The following PRRG1 variants were observed in gnomAD, a reference collection of about 807,000 sequenced individuals.
The protein encoded by PRRG1 is transmembrane gamma-carboxyglutamic acid protein 1.
In PRRG1, 5 loss-of-function variants were observed where a neutral mutation model predicts 11.8. That is an observed-to-expected ratio of 0.42 (90% confidence interval 0.22 to 0.89). The LOEUF is 0.89. Ranked by LOEUF, PRRG1 falls within the 40% of genes least tolerant of loss-of-function variation. The pLI, the probability that PRRG1 is intolerant of heterozygous loss-of-function variation, is 0.28. For missense variants in PRRG1, 155 were observed against 166.1 expected (o/e 0.93, Z 0.37); for synonymous variants, 66 against 60.4 (o/e 1.09, Z -0.43).
At chrX:37,452,295 C>G (rs1455156595) in intron 3 of PRRG1, among the ~76,000 whole-genome samples, 1 of 111,795 alleles carries the variant, frequency 8.9e-6, no homozygotes, top group South Asian at 3.8e-4. Flanking sequence ...TAAATGTTAT[C>G]TCACTTAATG....
At chrX:37,438,111 G>A (rs181105272) in intron 3 of PRRG1, among the ~76,000 whole-genome samples, 1 of 110,307 alleles carries the variant, frequency 9.1e-6, no homozygotes, top group Non-Finnish European at 1.9e-5. Flanking sequence ...ACTCGAGAGG[G>A]GGAAGCAGGA....
At chrX:37,418,793 C>G (rs1932574734) in intron 2 of PRRG1, among the ~76,000 whole-genome samples, 1 of 111,506 alleles carries the variant, frequency 9.0e-6, no homozygotes, top group Admixed American at 9.5e-5. Flanking sequence ...CCCTTGCCTT[C>G]AGATTAATTA....
chrX:37,349,957 A>G (rs1214184831), intron 1 of PRRG1, among the ~76,000 whole-genome samples: 1 of 107,841 alleles, frequency 9.3e-6, no homozygotes, highest in Non-Finnish European at 1.9e-5. Context: ...GGACATTTTA[A>G]CAAAGGCTAT....
At chrX:37,373,489 A>G (rs1246908952) in intron 1 of PRRG1, among the ~76,000 whole-genome samples, 1 of 111,828 alleles carries the variant, frequency 8.9e-6, no homozygotes, top group African/African-American at 3.2e-5. Flanking sequence ...TACAGTTTTC[A>G]GTGTACACAA....
At position 37,453,428 on chromosome X, in the gene PRRG1, G is replaced by T. The variant is rs1556397286; in HGVS notation, c.464G>T (p.Arg155Leu). ...GGCTTTCTGGGATATGTAGTTGGGC[G>T]CTCAGATTCCGTCTCTACTCGCCTG... ...SPGFLGYVVG[R>L]SDSVSTRLSN... Residue 155 changes from arginine (R) to leucine (L), a missense_variant, in exon 4 of 4, where the codon CGC becomes CTC. Transcript: ENST00000378628. 3 of 1,208,934 alleles carry T rather than the reference G, an allele frequency of 2.5e-6. No homozygotes were observed. Among genetic ancestry groups the T allele is most frequent in the African/African-American group, 1.8e-5 (1 of 57,131 alleles).
At chrX:37,397,387 T>A (rs1931754338) in intron 1 of PRRG1, among the ~76,000 whole-genome samples, 1 of 112,196 alleles carries the variant, frequency 8.9e-6, no homozygotes, top group Admixed American at 9.5e-5. Context: ...AAGGGAAACT[T>A]AAGCACAAAT....
intron 3 of PRRG1, among the ~76,000 whole-genome samples, chrX:37,431,717 G>A (rs893484861): frequency 1.8e-5 from 2 of 111,462 alleles, no homozygotes; most frequent in Admixed American, 9.5e-5. Context: ...TACTACTCTC[G>A]TATTGATTAA....
intron 2 of PRRG1, among the ~76,000 whole-genome samples, chrX:37,410,344 A>G (rs1170770751): frequency 8.9e-6 from 1 of 112,144 alleles, no homozygotes; most frequent in African/African-American, 3.2e-5. Context: ...TCCACAGACT[A>G]CTAATGGAGA....
chrX:37,449,664 C>A (rs1277133344), intron 3 of PRRG1, among the ~76,000 whole-genome samples: 1 of 111,925 alleles, frequency 8.9e-6, no homozygotes, highest in African/African-American at 3.2e-5. Flanking sequence ...AGGCTAAAAC[C>A]ATAGAGTTCC....
chrX:37,432,964 A>G (rs923076800), intron 3 of PRRG1, among the ~76,000 whole-genome samples: 1 of 111,429 alleles, frequency 9.0e-6, no homozygotes, highest in South Asian at 3.8e-4. Context: ...GCTTTTTGCC[A>G]TCTCTGACTC....
At chrX:37,375,530 C>T (rs782317774) in intron 1 of PRRG1, among the ~76,000 whole-genome samples, 7 of 111,320 alleles carry the variant, frequency 6.3e-5, no homozygotes, top group African/African-American at 2.0e-4. Context: ...ATTTACCTAG[C>T]GTTTATATTG....
intron 1 of PRRG1, among the ~76,000 whole-genome samples, chrX:37,381,301 CT>C (rs781939048): frequency 8.9e-6 from 1 of 111,825 alleles, no homozygotes; most frequent in East Asian, 2.8e-4. Flanking sequence ...TACATTGCTT[CT>C]ATGCTATCTT....
chrX:37,394,606 C>T (rs1187430704), intron 1 of PRRG1, among the ~76,000 whole-genome samples: 1 of 111,664 alleles, frequency 9.0e-6, no homozygotes. Flanking sequence ...AAAATGTAGC[C>T]TGCAGTGTTT....
intron 2 of PRRG1, among the ~76,000 whole-genome samples, chrX:37,415,717 A>T (rs188301500): frequency 8.9e-6 from 1 of 112,178 alleles, no homozygotes; most frequent in Non-Finnish European, 1.9e-5. Context: ...ACGGACATTT[A>T]TCAACAAGAT....
chrX:37,450,233 C>T (rs1010957323), intron 3 of PRRG1, among the ~76,000 whole-genome samples: 2 of 112,052 alleles, frequency 1.8e-5, no homozygotes, highest in Non-Finnish European at 3.8e-5. Context: ...GAAATCCCAG[C>T]TCCGATGTTC....
At chrX:37,401,444 C>T (rs1363433608) in intron 1 of PRRG1, among the ~76,000 whole-genome samples, 111 of 111,248 alleles carry the variant, frequency 1.0e-3, no homozygotes, top group African/African-American at 3.5e-3. Context: ...ACCCTTCATG[C>T]TAAAAACTCT....
intron 1 of PRRG1, among the ~76,000 whole-genome samples, chrX:37,396,855 G>A (rs1931730974): frequency 9.0e-6 from 1 of 111,652 alleles, no homozygotes; most frequent in African/African-American, 3.3e-5. Context: ...GTAGGGGGCT[G>A]TTCTATGCAT....
intron 2 of PRRG1, 47 bp downstream of exon 2, chrX:37,406,306 A>C: frequency 9.1e-7 from 1 of 1,102,126 alleles, no homozygotes; most frequent in Non-Finnish European, 1.3e-6. Context: ...CTCCATAGCT[A>C]TTATAGTCAG....
intron 3 of PRRG1, chrX:37,442,361 G>A: frequency 5.1e-6 from 2 of 393,286 alleles, no homozygotes; most frequent in Non-Finnish European, 6.4e-6. Context: ...CTCAGGATCT[G>A]TGGGGGTGGA....
Sources: gnomAD v4.1 joint callset for allele counts (sites outside exome capture counted in the v4.1 genomes callset) on GRCh38, gnomAD v4.1.1 for gene constraint, MANE v1.5 for transcripts, NCBI Gene and HGNC (gene_info 2026-07-23, HGNC 2026-07-21) for gene names.